PTPRT: variants seen among roughly 807,000 people sequenced by gnomAD.
PTPRT encodes the protein receptor-type tyrosine-protein phosphatase T.
In PTPRT, 56 loss-of-function variants were observed where a neutral mutation model predicts 176.8. That is an observed-to-expected ratio of 0.32 (90% CI 0.26 to 0.40). The LOEUF is 0.40. Among genes scored for constraint, PTPRT ranks in the 10% least tolerant of loss-of-function variants. The pLI is 1.00. For synonymous variants in PTPRT, 783 were observed against 739.0 expected, an observed-to-expected ratio of 1.06 and a Z score of -0.96; for missense variants, 1,540 against 1,908.2, an observed-to-expected ratio of 0.81 and a Z score of 3.60.
intron 1 of PTPRT, among the ~76,000 whole-genome samples, chr20:43,185,108 T>G (rs773838041): frequency 2.6e-5 from 4 of 152,210 alleles, no homozygotes; most frequent in Non-Finnish European, 5.9e-5. Context: ...TCTGTAAGAT[T>G]TCATGAGACA....
At chr20:42,831,226 A>G (rs61866221) in intron 2 of PTPRT, among the ~76,000 whole-genome samples, 1 of 152,166 alleles carries the variant, frequency 6.6e-6, no homozygotes, top group Admixed American at 6.5e-5. Context: ...GTAAGGCCCC[A>G]CACCTACAAC....
intron 1 of PTPRT, among the ~76,000 whole-genome samples, chr20:42,995,797 A>G (rs1984189667): frequency 6.6e-6 from 1 of 151,890 alleles, no homozygotes. Context: ...TGTGACACCA[A>G]TCCAACCCAT....
At chr20:42,902,672 C>G (rs1334241913) in intron 1 of PTPRT, among the ~76,000 whole-genome samples, 1 of 152,142 alleles carries the variant, frequency 6.6e-6, no homozygotes, top group East Asian at 1.9e-4. Flanking sequence ...CTTTAGGATT[C>G]AAGACAAGAT....
intron 25 of PTPRT, among the ~76,000 whole-genome samples, chr20:42,103,486 G>A (rs531482338): frequency 6.6e-6 from 1 of 152,242 alleles, no homozygotes; most frequent in African/African-American, 2.4e-5. Flanking sequence ...ATGTTTTTGA[G>A]ATGGAGTCTC....
chr20:42,126,585 C>T (rs1227612566), intron 19 of PTPRT, among the ~76,000 whole-genome samples: 1 of 152,206 alleles, frequency 6.6e-6, no homozygotes, highest in Non-Finnish European at 1.5e-5. Flanking sequence ...ACATCACCTC[C>T]TCCAGGGAGC....
intron 11 of PTPRT, among the ~76,000 whole-genome samples, chr20:42,346,774 C>G (rs994231844): frequency 2.6e-5 from 4 of 152,192 alleles, no homozygotes; most frequent in African/African-American, 7.2e-5. Context: ...GAAAGAAGAG[C>G]CTGCCTGAGT....
At chr20:42,484,394 G>A (rs2145345014) in intron 7 of PTPRT, among the ~76,000 whole-genome samples, 1 of 152,310 alleles carries the variant, frequency 6.6e-6, no homozygotes, top group East Asian at 1.9e-4. Flanking sequence ...AAGGATGCAT[G>A]TATCTGTTGA....
At chr20:43,111,117 G>C (rs6130297) in intron 1 of PTPRT, among the ~76,000 whole-genome samples, 16,469 of 152,168 alleles carry the variant, frequency 0.11, 1,256 homozygotes, top group East Asian at 0.23. Flanking sequence ...GTAGGGGATA[G>C]ACAAGCAGCC....
rs933125803 is a variant in PTPRT, at chr20:43,041,933, C to T, written c.88+147713G>A. Among the ~76,000 whole-genome samples the T allele has an allele frequency of 3.3e-5, 5 of 152,212 alleles. No homozygotes were observed. The South Asian group carries it at 8.3e-4, about 25-fold the overall frequency. On this transcript the variant is annotated intron_variant, in intron 1 of 30. Coordinates refer to ENST00000373187, the MANE Select transcript of PTPRT (RefSeq NM_007050.6). ...ACTTTACAGATAATGTTTACTGACCCTTGGTCTAAATGGTTGTCACTCAAA... is the reference window on the plus strand; with the variant it reads ...ACTTTACAGATAATGTTTACTGACCTTTGGTCTAAATGGTTGTCACTCAAA...
intron 7 of PTPRT, among the ~76,000 whole-genome samples, chr20:42,604,562 G>C (rs1170760337): frequency 2.0e-5 from 3 of 151,886 alleles, no homozygotes; most frequent in Admixed American, 6.6e-5. Context: ...CACTAATGTG[G>C]GTGGCTATGG....
rs1312560120 is a variant in PTPRT at position 42,199,240 on chromosome 20, T to C, written c.2491A>G (p.Thr831Ala). 1 of 1,613,864 alleles carries C rather than the reference T, an allele frequency of 6.2e-7. No homozygotes were observed. The highest frequency in any genetic ancestry group is 1.3e-5 in the African/African-American group (1 of 74,936). Residue 831 changes from threonine (T) to alanine (A), a missense_variant and splice_region_variant, in exon 16 of 31, where the codon ACA becomes GCA. By Grantham distance (58) the Thr-to-Ala change is moderately conservative (BLOSUM62 0). Around this residue, in one of 11 missense-constraint regions of PTPRT, gnomAD observed 255 missense variants for 250.1 expected, o/e 1.02. Transcript: ENST00000373187. ...CTTCCCCTTTGTTGGCTCTACTTAC[T>C]GAATCCGTTGACGTCCTGAGAACTA... ...SSSSQDVNGF[T>A]DGSRGELSQP...
Position 43,075,375 on chromosome 20 carries a change from C to T in PTPRT, c.88+114271G>A, listed in dbSNP as rs187203752. On this transcript the variant is annotated intron_variant, in intron 1 of 30. Coordinates refer to ENST00000373187, the MANE Select transcript of PTPRT (RefSeq NM_007050.6). The stretch of plus-strand genomic sequence containing the variant: ...ATGCACACCCAGCCGTCGAGAGCTC[C>T]GCAGAGCGCTGGAATGAGGCATGCG... Among the ~76,000 whole-genome samples, 6 of 152,388 alleles carry T rather than the reference C, an allele frequency of 3.9e-5. No individual in the cohort carries two copies. In the East Asian group the frequency reaches 7.7e-4, roughly 20 times the overall value.
intron 2 of PTPRT, among the ~76,000 whole-genome samples, chr20:42,864,430 G>A (rs1465638445): frequency 6.6e-6 from 1 of 152,168 alleles, no homozygotes; most frequent in Non-Finnish European, 1.5e-5. Flanking sequence ...CCTCCATGCT[G>A]AGTCCCAGCT....
chr20:42,913,699 A>G (rs879773595), intron 1 of PTPRT, among the ~76,000 whole-genome samples: 1 of 152,222 alleles, frequency 6.6e-6, no homozygotes, highest in African/African-American at 2.4e-5. Context: ...TAGTCTTAAT[A>G]GCAAATTCTA....
intron 9 of PTPRT, among the ~76,000 whole-genome samples, chr20:42,441,798 T>C (rs1480732399): frequency 1.3e-5 from 2 of 152,204 alleles, no homozygotes; most frequent in East Asian, 1.9e-4. Flanking sequence ...TTGAACAATT[T>C]AGAGGAAACA....
intron 13 of PTPRT, among the ~76,000 whole-genome samples, chr20:42,263,930 C>T (rs1440038591): frequency 2.6e-5 from 4 of 152,056 alleles, no homozygotes; most frequent in Admixed American, 6.5e-5. Flanking sequence ...GAATCTGTGA[C>T]ACTAACCTTA....
chr20:42,243,789 A>C (rs6030084), intron 14 of PTPRT, among the ~76,000 whole-genome samples: 1 of 151,934 alleles, frequency 6.6e-6, no homozygotes. Flanking sequence ...AACGTTCACC[A>C]ACTCACGTGA....
chr20:43,026,885 T>C (rs184488602), intron 1 of PTPRT, among the ~76,000 whole-genome samples: 93 of 152,334 alleles, frequency 6.1e-4, no homozygotes, highest in African/African-American at 2.0e-3. Flanking sequence ...CCATCCATAC[T>C]GTTGCAAATG....
intron 11 of PTPRT, among the ~76,000 whole-genome samples, chr20:42,350,002 C>T (rs1394403699): frequency 6.6e-6 from 1 of 152,140 alleles, no homozygotes; most frequent in Admixed American, 6.5e-5. Context: ...GGACCAGTCC[C>T]CAGGTCTTGT....
Sources: allele counts gnomAD v4.1 joint callset (sites outside exome capture counted in the v4.1 genomes callset), GRCh38; gene constraint gnomAD v4.1.1; regional missense constraint gnomAD v4.1.1; transcripts MANE v1.5; gene names NCBI Gene and HGNC (gene_info 2026-07-23, HGNC 2026-07-21).